Variants in COPS4 observed in about 807,000 individuals in gnomAD.
The protein encoded by COPS4 is COP9 signalosome complex subunit 4.
In COPS4, 8 loss-of-function variants were observed where a neutral mutation model predicts 55.1. That is an observed-to-expected ratio of 0.15 (90% CI 0.09 to 0.26). The LOEUF is 0.26. Among genes scored for constraint, COPS4 ranks in the 10% least tolerant of loss-of-function variants. The pLI, the probability that COPS4 is intolerant of heterozygous loss-of-function variation, is 1.00. For synonymous variants in COPS4, 185 were observed against 165.7 expected, an observed-to-expected ratio of 1.12 and a Z score of -0.90; for missense variants, 248 against 484.0, an observed-to-expected ratio of 0.51 and a Z score of 4.58.
intron 4 of COPS4, among the ~76,000 whole-genome samples, chr4:83,052,424 T>A (rs1048115685): frequency 6.6e-6 from 1 of 152,164 alleles, no homozygotes; most frequent in African/African-American, 2.4e-5. Flanking sequence ...TTCGGCTAGA[T>A]ACTTTGTTGT....
intron 9 of COPS4, among the ~76,000 whole-genome samples, chr4:83,074,389 T>A (rs561206496): frequency 2.3e-4 from 35 of 151,604 alleles, no homozygotes; most frequent in African/African-American, 8.0e-4. Context: ...GCTAGAAATT[T>A]AAAAAAAGAA....
chr4:83,059,561 G>T (rs1242898349), intron 6 of COPS4, among the ~76,000 whole-genome samples: 1 of 151,882 alleles, frequency 6.6e-6, no homozygotes, highest in South Asian at 2.1e-4. Flanking sequence ...AAACATAAAT[G>T]ACATACTTTT....
At chr4:83,065,607 A>G (rs754943475) in intron 7 of COPS4, among the ~76,000 whole-genome samples, 6 of 152,236 alleles carry the variant, frequency 3.9e-5, no homozygotes, top group Non-Finnish European at 5.9e-5. Context: ...CCAGTGGTCT[A>G]ATACATTCAA....
intron 2 of COPS4, among the ~76,000 whole-genome samples, chr4:83,046,872 C>T (rs752836485): frequency 6.6e-6 from 1 of 152,008 alleles, no homozygotes; most frequent in Non-Finnish European, 1.5e-5. Context: ...TTTTCAAGGA[C>T]ATTTAGCTGG....
intron 2 of COPS4, among the ~76,000 whole-genome samples, chr4:83,047,551 A>G (rs1321148394): frequency 6.6e-6 from 1 of 151,906 alleles, no homozygotes; most frequent in Non-Finnish European, 1.5e-5. Flanking sequence ...GATTGTCTCA[A>G]AAAAACAATT....
At chr4:83,055,059 A>G (rs925438221) in intron 4 of COPS4, among the ~76,000 whole-genome samples, 51 of 150,952 alleles carry the variant, frequency 3.4e-4, no homozygotes, top group Non-Finnish European at 3.8e-4. Context: ...TTCTCCTCCC[A>G]TTCTCCTTTG....
intron 7 of COPS4, among the ~76,000 whole-genome samples, chr4:83,064,677 C>T (rs181435066): frequency 3.4e-4 from 51 of 152,020 alleles, no homozygotes; most frequent in Non-Finnish European, 1.9e-4. Context: ...CCACTGCAGC[C>T]TGGAACAAAG....
chr4:83,067,868 C>T (rs1401610708), intron 8 of COPS4, among the ~76,000 whole-genome samples: 4 of 152,100 alleles, frequency 2.6e-5, no homozygotes, highest in Non-Finnish European at 4.4e-5. Context: ...ACAATCTGTT[C>T]AGGACTGATA....
intron 9 of COPS4, among the ~76,000 whole-genome samples, chr4:83,073,001 A>T (rs1280067397): frequency 6.6e-6 from 1 of 151,972 alleles, no homozygotes; most frequent in African/African-American, 2.4e-5. Flanking sequence ...ACATAACGAG[A>T]CCCCATTTCT....
chr4:83,048,380 G>A (rs914170544), intron 2 of COPS4, among the ~76,000 whole-genome samples: 3 of 151,992 alleles, frequency 2.0e-5, no homozygotes, highest in African/African-American at 7.3e-5. Flanking sequence ...GTTTTTATTG[G>A]GAAAGTATAA....
chr4:83,061,377 A>G (rs1731161229), intron 6 of COPS4, among the ~76,000 whole-genome samples: 2 of 152,144 alleles, frequency 1.3e-5, no homozygotes, highest in South Asian at 4.1e-4. Context: ...TAACCCTACA[A>G]GAATAATGAC....
At position 83,063,185 on chromosome 4, in the gene COPS4, A is replaced by C; in HGVS notation, c.825A>C (p.Gly275=). 1 of 1,612,650 alleles carries C rather than the reference A, an allele frequency of 6.2e-7. No individual in the cohort carries two copies. Among genetic ancestry groups the C allele is most frequent in the Non-Finnish European group, 8.5e-7 (1 of 1,179,646 alleles). Residue 275 remains glycine, a synonymous_variant, in exon 7 of 10, where the codon GGA becomes GGC. Coordinates refer to ENST00000264389, the MANE Select transcript of COPS4 (RefSeq NM_016129.3). ...TGTATCTAGATAGGATCATCAGAGGAAATCAACTTCAAGAATTTGCTGCCA... is the reference window on the plus strand; with the variant it reads ...TGTATCTAGATAGGATCATCAGAGGCAATCAACTTCAAGAATTTGCTGCCA... ...EKMYLDRIIR[G]NQLQEFAAML...
chr4:83,073,764 C>T (rs1354206494), intron 9 of COPS4, among the ~76,000 whole-genome samples: 6 of 150,944 alleles, frequency 4.0e-5, no homozygotes, highest in African/African-American at 1.5e-4. Flanking sequence ...ACCATCCTGG[C>T]CAACCAACAT....
chr4:83,037,150 C>G (rs997394723), intron 1 of COPS4, among the ~76,000 whole-genome samples: 1 of 152,192 alleles, frequency 6.6e-6, no homozygotes, highest in Non-Finnish European at 1.5e-5. Flanking sequence ...GCCTGGATCT[C>G]TCTCTCTCTC....
At chr4:83,063,930 C>T (rs1198955423) in intron 7 of COPS4, among the ~76,000 whole-genome samples, 4 of 152,118 alleles carry the variant, frequency 2.6e-5, no homozygotes, top group Non-Finnish European at 5.9e-5. Context: ...GGACTCCTGA[C>T]CTCAGGTGAT....
chr4:83,070,935 A>G (rs1731413159), intron 9 of COPS4, among the ~76,000 whole-genome samples: 1 of 151,918 alleles, frequency 6.6e-6, no homozygotes, highest in Non-Finnish European at 1.5e-5. Flanking sequence ...TCTTCTTTTT[A>G]TTTTTTTCAG....
intron 9 of COPS4, 139 bp from the exon 10 acceptor site, chr4:83,075,158 C>CT (rs1731541935): frequency 7.4e-6 from 5 of 678,422 alleles, no homozygotes; most frequent in Admixed American, 3.1e-5. Flanking sequence ...TTTTGAATAG[C>CT]TTTTTTCTGT....
At chr4:83,038,483 T>A (rs1251300171) in intron 1 of COPS4, among the ~76,000 whole-genome samples, 1 of 152,130 alleles carries the variant, frequency 6.6e-6, no homozygotes, top group African/African-American at 2.4e-5. Flanking sequence ...CAAAAAAAAA[T>A]TGACTACACT....
chr4:83,057,938 A>T (rs991312360), intron 6 of COPS4, among the ~76,000 whole-genome samples: 3 of 151,046 alleles, frequency 2.0e-5, no homozygotes, highest in African/African-American at 7.3e-5. Flanking sequence ...AAAAAAAAAA[A>T]AGAATAGTTA....
Sources: gnomAD v4.1 joint callset for allele counts (sites outside exome capture counted in the v4.1 genomes callset) on GRCh38, gnomAD v4.1.1 for gene constraint, MANE v1.5 for transcripts, NCBI Gene and HGNC (gene_info 2026-07-23, HGNC 2026-07-21) for gene names.